The following LZTS2 variants were observed in gnomAD, a reference collection of about 807,000 sequenced individuals.
The protein encoded by LZTS2 is leucine zipper putative tumor suppressor 2.
Under a neutral mutation model 60.6 loss-of-function variants are expected in LZTS2, and 32 were observed. That is an observed-to-expected ratio of 0.53 (90% CI 0.40 to 0.71). LZTS2 has a LOEUF of 0.71. Ranked by LOEUF, LZTS2 falls within the 30% of genes least tolerant of loss-of-function variation. LZTS2 has a pLI of 0.00. For missense variants in LZTS2, 792 were observed against 901.9 expected (o/e 0.88, Z 1.56); for synonymous variants, 360 against 393.1 (o/e 0.92, Z 1.00).
chr10:101,007,612 C>A (rs998544871), exon 4 of LZTS2: 1 of 1,262,630 alleles, frequency 7.9e-7, no homozygotes, highest in East Asian at 6.1e-5. Flanking sequence ...GGCCTGGGCT[C>A]GGTTCCCAGG....
exon 4 of LZTS2, chr10:101,006,534 A>T: frequency 6.2e-7 from 1 of 1,611,500 alleles, no homozygotes; most frequent in Non-Finnish European, 8.5e-7. Context: ...CAGCTGAAAG[A>T]GTCTCAGGCA....
exon 4 of LZTS2, chr10:101,006,743 C>G: frequency 1.3e-6 from 2 of 1,592,050 alleles, no homozygotes; most frequent in South Asian, 1.1e-5. Context: ...GAAAGCTGGG[C>G]AGTTGGATGC....
At chr10:101,006,846 C>A in exon 4 of LZTS2, 1 of 1,537,100 alleles carries the variant, frequency 6.5e-7, no homozygotes, top group Non-Finnish European at 8.8e-7. Context: ...GTGCAGCGGG[C>A]AGCAGCCGGG....
At chr10:101,006,078 A>G (rs1489572300) in intron 3 of LZTS2, among the ~76,000 whole-genome samples, 2 of 152,170 alleles carry the variant, frequency 1.3e-5, no homozygotes, top group Non-Finnish European at 2.9e-5. Context: ...TGAAGCCCCA[A>G]ATCTGAACCC....
At chr10:101,002,141 G>A (rs906397094) in exon 1 of LZTS2, 3 of 169,230 alleles carry the variant, frequency 1.8e-5, no homozygotes, top group Non-Finnish European at 3.8e-5. Flanking sequence ...AGGGACCTGT[G>A]CTTCAAGCTG....
chr10:101,005,397 A>G, intron 2 of LZTS2, 61 bp from the exon 4 acceptor site: 2 of 1,494,246 alleles, frequency 1.3e-6, no homozygotes, highest in East Asian at 4.6e-5. Context: ...CTGCCAGAGC[A>G]GACACTGAGT....
At chr10:101,004,911 T>C (rs1274391164) in intron 2 of LZTS2, among the ~76,000 whole-genome samples, 6 of 152,256 alleles carry the variant, frequency 3.9e-5, no homozygotes, top group Non-Finnish European at 7.3e-5. Flanking sequence ...TTGGCCAAGC[T>C]GGTCGCGAAC....
chr10:100,998,711 A>C (rs771473548), upstream of LZTS2: 1 of 151,954 alleles, frequency 6.6e-6, no homozygotes, highest in Non-Finnish European at 1.5e-5. Flanking sequence ...GGCGTGTAAG[A>C]AGTTGTCTGT....
At chr10:101,007,197 C>A in exon 4 of LZTS2, 1 of 1,518,430 alleles carries the variant, frequency 6.6e-7, no homozygotes, top group Non-Finnish European at 8.8e-7. Context: ...CTGTAGGGAG[C>A]TCTGCCAGAG....
intron 3 of LZTS2, 54 bp from the exon 5 acceptor site, chr10:101,006,431 G>A: frequency 1.3e-6 from 2 of 1,546,140 alleles, no homozygotes. Flanking sequence ...TGCAGGGCCT[G>A]TCCCCCCAGG....
chr10:101,003,232 C>T (rs762436785), intron 1 of LZTS2: 1 of 529,492 alleles, frequency 1.9e-6, no homozygotes, highest in Non-Finnish European at 3.2e-6. Context: ...TTATTCTGCA[C>T]CAGTTATACG....
exon 4 of LZTS2, chr10:101,007,274 A>G (rs1488351102): frequency 3.5e-6 from 5 of 1,427,054 alleles, no homozygotes; most frequent in East Asian, 2.5e-5. Context: ...GAGGGCCCCA[A>G]AGCCACTTGT....
upstream of LZTS2, chr10:100,997,019 C>T (rs1406606210): frequency 1.3e-5 from 2 of 152,398 alleles, no homozygotes; most frequent in Non-Finnish European, 2.9e-5. Flanking sequence ...GCAGACCACT[C>T]CCCTCCCTGG....
exon 1 of LZTS2, chr10:100,999,591 G>A (rs916948341): frequency 1.3e-5 from 2 of 152,440 alleles, no homozygotes; most frequent in South Asian, 2.1e-4. Flanking sequence ...GAGCCGAACC[G>A]AGCCCCCAGA....
At chr10:100,997,656 C>A (rs1312338507), upstream of LZTS2, among the ~76,000 whole-genome samples, 2 of 152,206 alleles carry the variant, frequency 1.3e-5, no homozygotes, top group African/African-American at 4.8e-5. Flanking sequence ...TTCCTGGCCT[C>A]CCGCAGGTGA....
exon 3 of LZTS2, chr10:101,005,551 C>A: frequency 6.2e-7 from 1 of 1,609,270 alleles, no homozygotes; most frequent in Non-Finnish European, 8.5e-7. Flanking sequence ...GCGGGCCCAA[C>A]AGCTGCTGCA....
intron 1 of LZTS2, chr10:101,003,188 T>C (rs970048172): frequency 5.3e-6 from 3 of 563,218 alleles, no homozygotes; most frequent in Admixed American, 3.6e-5. Flanking sequence ...GCACGTAGCA[T>C]GTACGCAGTA....
intron 1 of LZTS2, 154 bp downstream of exon 2, chr10:101,003,100 C>A: frequency 1.0e-6 from 1 of 1,002,310 alleles, no homozygotes; most frequent in Non-Finnish European, 1.4e-6. Context: ...GGATGTGTGA[C>A]CTCAGGGAAG....
chr10:100,999,725 C>T (rs2133960593), exon 1 of LZTS2: 1 of 152,056 alleles, frequency 6.6e-6, no homozygotes, highest in East Asian at 1.9e-4. Context: ...CGGAGACGCC[C>T]CTCGGACCCT....
Sources: allele counts gnomAD v4.1 joint callset (sites outside exome capture counted in the v4.1 genomes callset), GRCh38; gene constraint gnomAD v4.1.1; transcripts MANE v1.5; gene names NCBI Gene and HGNC (gene_info 2026-07-23, HGNC 2026-07-21).